SCD5: variants seen among roughly 807,000 people sequenced by gnomAD.
SCD5 encodes the protein stearoyl-CoA desaturase 5.
A neutral mutation model predicts 30.4 loss-of-function variants in SCD5; 20 were observed. That is an observed-to-expected ratio of 0.66 (90% confidence interval 0.46 to 0.96). The LOEUF is 0.96. Ranked by LOEUF, SCD5 falls within the 40% of genes least tolerant of loss-of-function variation. SCD5 has a pLI of 0.00. For synonymous variants in SCD5, 173 were observed against 176.4 expected (o/e 0.98, Z 0.16); for missense variants, 381 against 443.3 (o/e 0.86, Z 1.26).
intron 3 of SCD5, among the ~76,000 whole-genome samples, chr4:82,677,452 A>G (rs975307405): frequency 2.0e-5 from 3 of 152,152 alleles, no homozygotes; most frequent in Admixed American, 6.5e-5. Context: ...TGACACCAAG[A>G]TCCACCCCTT....
At chr4:82,787,308 CT>C (rs774295152) in intron 1 of SCD5, among the ~76,000 whole-genome samples, 8,022 of 144,488 alleles carry the variant, frequency 0.056, 688 homozygotes, top group African/African-American at 0.19. Context: ...CTGGTTTTCC[CT>C]TTTTTTTTTT....
intron 2 of SCD5, among the ~76,000 whole-genome samples, chr4:82,703,084 A>G (rs1719888556): frequency 6.6e-6 from 1 of 152,208 alleles, no homozygotes; most frequent in South Asian, 2.1e-4. Flanking sequence ...GAAAAGCTCC[A>G]TGAAGGCGAA....
At chr4:82,686,196 G>C (rs1728700597) in intron 2 of SCD5, among the ~76,000 whole-genome samples, 1 of 152,010 alleles carries the variant, frequency 6.6e-6, no homozygotes, top group African/African-American at 2.4e-5. Context: ...TGTAGGGATG[G>C]GGTCTCACTA....
intron 1 of SCD5, among the ~76,000 whole-genome samples, chr4:82,710,254 T>A (rs1017991435): frequency 1.3e-5 from 2 of 152,138 alleles, no homozygotes; most frequent in Non-Finnish European, 1.5e-5. Flanking sequence ...TTAGACACCA[T>A]GTGGCCCCAC....
chr4:82,777,693 G>GGGAAAGTA (rs1299383177), intron 1 of SCD5, among the ~76,000 whole-genome samples: 2 of 152,112 alleles, frequency 1.3e-5, no homozygotes, highest in Non-Finnish European at 2.9e-5. Context: ...TCCTGCTTCT[G>GGGAAAGTA]GGAAAGTATC....
At chr4:82,711,508 A>AT (rs1302784575) in intron 1 of SCD5, among the ~76,000 whole-genome samples, 2 of 152,152 alleles carry the variant, frequency 1.3e-5, no homozygotes, top group Non-Finnish European at 2.9e-5. Flanking sequence ...GAGCTCAGGA[A>AT]TTTGAGACCA....
chr4:82,643,155 CT>C, intron 3 of SCD5, among the ~76,000 whole-genome samples: 1 of 152,282 alleles, frequency 6.6e-6, no homozygotes, highest in East Asian at 1.9e-4. Context: ...TCCTCAGGTA[CT>C]GATGGAGGAA....
At chr4:82,786,410 T>C (rs969273304) in intron 1 of SCD5, among the ~76,000 whole-genome samples, 7 of 152,338 alleles carry the variant, frequency 4.6e-5, no homozygotes, top group South Asian at 2.1e-4. Context: ...GGTAGTGATA[T>C]AGGAAGAAAA....
In SCD5 at chr4:82,717,794, T is replaced by C. The variant is rs187565595; in HGVS notation, c.233-12381A>G. ...AGCCAGGTGTGATGGTACATGCCTG[T>C]AATCCCAGATACTTGGGAGGGTGAA... is the stretch of plus-strand genomic sequence containing the variant. On this transcript the variant is annotated intron_variant, in intron 1 of 4. Coordinates refer to ENST00000319540, the MANE Select transcript of SCD5 (RefSeq NM_001037582.3). 7.6e-4 allele frequency among the ~76,000 whole-genome samples: 115 copies of C among 151,724 alleles called. 2 individuals carry two copies. In the East Asian group the frequency reaches 0.017, roughly 23 times the overall value.
At chr4:82,726,724 C>T (rs1165289648) in intron 1 of SCD5, among the ~76,000 whole-genome samples, 3 of 152,126 alleles carry the variant, frequency 2.0e-5, no homozygotes, top group South Asian at 4.1e-4. Flanking sequence ...ATGTTGGTCA[C>T]GATCCAAACT....
intron 1 of SCD5, among the ~76,000 whole-genome samples, chr4:82,788,712 A>G (rs1722038125): frequency 6.6e-6 from 1 of 152,200 alleles, no homozygotes; most frequent in African/African-American, 2.4e-5. Context: ...TTAAGAGGAC[A>G]CCAGCTGTGA....
rs185197627 is a variant in SCD5 at position 82,644,386 on chromosome 4, G to A, written c.570-7563C>T. The stretch of plus-strand genomic sequence containing the variant: ...TTTCTACAATGTAATCTCCATCTCA[G>A]AGCCAGCTTCTAAGGTAACCAGAAC... On this transcript the variant is annotated intron_variant, in intron 3 of 4. Coordinates refer to ENST00000319540, the MANE Select transcript of SCD5 (RefSeq NM_001037582.3). Among the ~76,000 whole-genome samples the A allele has an allele frequency of 2.2e-4, 34 of 152,246 alleles. No homozygotes were observed. The East Asian group carries it at 5.0e-3, about 22-fold the overall frequency.
At chr4:82,635,490 G>A (rs574163169) in intron 4 of SCD5, among the ~76,000 whole-genome samples, 36 of 152,058 alleles carry the variant, frequency 2.4e-4, no homozygotes, top group African/African-American at 8.7e-4. Flanking sequence ...GCGTGGTGGT[G>A]GGTGCCTGTA....
chr4:82,793,457 G>A (rs1560565292), intron 1 of SCD5, among the ~76,000 whole-genome samples: 1 of 152,192 alleles, frequency 6.6e-6, no homozygotes, highest in Non-Finnish European at 1.5e-5. Flanking sequence ...AGGGATTTGT[G>A]TTCATCTCTC....
chr4:82,768,051 CTAACT>C (rs1265303250), intron 1 of SCD5, among the ~76,000 whole-genome samples: 1 of 152,132 alleles, frequency 6.6e-6, no homozygotes, highest in Non-Finnish European at 1.5e-5. Flanking sequence ...ATTTATTTAG[CTAACT>C]TAAATTAGCC....
chr4:82,703,207 G>T (rs1467126605), intron 2 of SCD5, among the ~76,000 whole-genome samples: 2 of 152,088 alleles, frequency 1.3e-5, no homozygotes, highest in African/African-American at 4.8e-5. Flanking sequence ...CTACAAATGT[G>T]GGCCTTGAAA....
In SCD5 at chr4:82,717,627, G is replaced by A. The variant is rs116386049; in HGVS notation, c.233-12214C>T. ...TAGGAAACTAATATCAAAATCGTTGGTCCTTTGGCCTGGTGCAGTGGCTCA... is the reference window on the plus strand; with the variant it reads ...TAGGAAACTAATATCAAAATCGTTGATCCTTTGGCCTGGTGCAGTGGCTCA... On this transcript the variant is annotated intron_variant, in intron 1 of 4. Coordinates refer to ENST00000319540, the MANE Select transcript of SCD5 (RefSeq NM_001037582.3). Among the ~76,000 whole-genome samples the A allele has an allele frequency of 2.6e-3, 391 of 151,772 alleles. 9 individuals are homozygous for A. The highest frequency in any genetic ancestry group is 8.9e-3 in the African/African-American group (368 of 41,170).
At chr4:82,737,241 T>C (rs1001095036) in intron 1 of SCD5, among the ~76,000 whole-genome samples, 4 of 152,224 alleles carry the variant, frequency 2.6e-5, no homozygotes, top group African/African-American at 7.2e-5. Flanking sequence ...TAACTTCTTA[T>C]AATTACTAAG....
chr4:82,776,314 A>C lies in SCD5; in HGVS notation c.232+21992T>G, dbSNP rs531865656. ...GAATATTAAACCTTAACTCTTTTGC[A>C]ATCATATCCTTGGCCTCCCCAGTTT... On this transcript the variant is annotated intron_variant, in intron 1 of 4. Coordinates refer to ENST00000319540, the MANE Select transcript of SCD5 (RefSeq NM_001037582.3). Among the ~76,000 whole-genome samples, 3 of 152,308 alleles carry C rather than the reference A, an allele frequency of 2.0e-5. No homozygotes were observed. In the South Asian group the frequency reaches 6.2e-4, roughly 32 times the overall value.
Sources: allele counts gnomAD v4.1 joint callset (sites outside exome capture counted in the v4.1 genomes callset), GRCh38; gene constraint gnomAD v4.1.1; transcripts MANE v1.5; gene names NCBI Gene and HGNC (gene_info 2026-07-23, HGNC 2026-07-21).